The following LCP1 variants were observed in gnomAD, a reference collection of about 807,000 sequenced individuals.
LCP1 encodes the protein plastin-2.
In LCP1, 23 loss-of-function variants were observed where a neutral mutation model predicts 72.0. The observed-to-expected ratio is 0.32, with a 90% CI of 0.23 to 0.45. The LOEUF (loss-of-function observed/expected upper bound fraction) is 0.45, where lower values mean the gene tolerates loss of function less well. Ranked by LOEUF, LCP1 falls within the 20% of genes least tolerant of loss-of-function variation. The probability of loss-of-function intolerance (pLI) is 1.00; values close to 1 mark genes in which losing one functional copy is unlikely to be tolerated. For synonymous variants in LCP1, 245 were observed against 275.4 expected (o/e 0.89, Z 1.09); for missense variants, 571 against 748.3 (o/e 0.76, Z 2.76).
Position 46,148,746 on chromosome 13 carries a change from A to G in LCP1, c.883-299T>C, listed in dbSNP as rs965914034. ...TAGGGGAGAAAAACAACTTATTTAC[A>G]TGAATTAAATTGTATACAGGAAAAT... On this transcript the variant is annotated intron_variant, in intron 8 of 15. Coordinates refer to ENST00000323076, the MANE Select transcript of LCP1 (RefSeq NM_002298.5). 5 of 770,346 alleles carry G rather than the reference A, an allele frequency of 6.5e-6. No individual in the cohort carries two copies. The African/African-American group carries it at 7.4e-5, about 11-fold the overall frequency. The allele number at this position is 770,346 out of a possible 1,614,324, so 47.7% of individuals were successfully genotyped here. A position where few individuals can be genotyped will look rare whatever the true frequency, so the allele number is the denominator to read the frequency against.
intron 1 of LCP1, among the ~76,000 whole-genome samples, chr13:46,175,579 G>A (rs1053956877): frequency 6.6e-6 from 1 of 152,134 alleles, no homozygotes; most frequent in Non-Finnish European, 1.5e-5. Context: ...GGTGGGTACG[G>A]AGGGAGGAGA....
chr13:46,129,735 C>T (rs1449620981), intron 15 of LCP1, among the ~76,000 whole-genome samples: 1 of 152,002 alleles, frequency 6.6e-6, no homozygotes, highest in Non-Finnish European at 1.5e-5. Flanking sequence ...ATCTTCTAGA[C>T]CTGTGGTATG....
intron 1 of LCP1, among the ~76,000 whole-genome samples, chr13:46,177,551 A>G (rs1210794797): frequency 1.3e-5 from 2 of 152,010 alleles, no homozygotes; most frequent in Non-Finnish European, 2.9e-5. Context: ...GAGGCAGGAG[A>G]ATCGCTTGAA....
intron 4 of LCP1, among the ~76,000 whole-genome samples, chr13:46,157,661 G>A (rs1009659670): frequency 6.6e-6 from 1 of 151,234 alleles, no homozygotes; most frequent in Admixed American, 6.6e-5. Context: ...CCCAGCAAAG[G>A]TTCTGAAAAT....
rs543665164 is a variant in LCP1 at position 46,162,713 on chromosome 13, A to G, written c.-24-3027T>C. Among the ~76,000 whole-genome samples, 878 of 151,412 alleles carry G rather than the reference A, an allele frequency of 5.8e-3. 4 individuals are homozygous for G. The highest frequency in any genetic ancestry group is 0.02 in the African/African-American group (838 of 41,238). On this transcript the variant is annotated intron_variant, in intron 1 of 15. Transcript: ENST00000323076. The stretch of plus-strand genomic sequence containing the variant: ...AGTGCCGAGATTGCAGCCTCTGCCC[A>G]GCCGCCACCCCTTCCGGGAAGTGAG...
chr13:46,127,664 A>G lies in LCP1; in HGVS notation c.1811T>C (p.Leu604Pro), dbSNP rs1407431594. 6.2e-7 allele frequency: 1 copy of G among 1,614,206 alleles called. No individual in the cohort carries two copies. The highest frequency in any genetic ancestry group is 1.7e-5 in the Admixed American group (1 of 60,010). The stretch of plus-strand genomic sequence containing the variant: ...GACCATTTTGGGGTTCACTTCAACC[A>G]GGTCTTCTGGCAGGGCATACACTCT... ...GARVYALPEDLVEVNPKMVMT... is the reference protein window; with the variant it reads ...GARVYALPEDPVEVNPKMVMT... The change falls in exon 16 of 16, where the codon CTG becomes CCG. Residue 604 changes from leucine (L) to proline (P), a missense_variant. Leu to Pro is a moderately conservative substitution (Grantham distance 98). Coordinates refer to ENST00000323076, the MANE Select transcript of LCP1 (RefSeq NM_002298.5).
At chr13:46,181,322 G>A (rs2045954414) in intron 1 of LCP1, among the ~76,000 whole-genome samples, 1 of 152,094 alleles carries the variant, frequency 6.6e-6, no homozygotes, top group African/African-American at 2.4e-5. Context: ...GTCTATGTTT[G>A]GGCAGTTTCT....
At chr13:46,176,854 T>A (rs1461369800) in intron 1 of LCP1, among the ~76,000 whole-genome samples, 1 of 151,364 alleles carries the variant, frequency 6.6e-6, no homozygotes, top group Non-Finnish European at 1.5e-5. Context: ...TGTGTGTGTG[T>A]TTCCGTGTAT....
At chr13:46,162,437 T>C (rs936379142) in intron 1 of LCP1, among the ~76,000 whole-genome samples, 5 of 151,960 alleles carry the variant, frequency 3.3e-5, no homozygotes, top group Non-Finnish European at 2.9e-5. Flanking sequence ...GTGCCTGCGA[T>C]TGCAGGCGCG....
At chr13:46,157,142 A>G (rs2045807723) in intron 4 of LCP1, among the ~76,000 whole-genome samples, 2 of 151,670 alleles carry the variant, frequency 1.3e-5, no homozygotes, top group South Asian at 4.1e-4. Context: ...CTGTTCCTAT[A>G]TATACGCATA....
At chr13:46,162,009 T>G (rs1485288517) in intron 1 of LCP1, among the ~76,000 whole-genome samples, 1 of 152,196 alleles carries the variant, frequency 6.6e-6, no homozygotes, top group African/African-American at 2.4e-5. Context: ...ACAATGTCCT[T>G]CAATATAGGC....
chr13:46,139,093 A>G (rs896906694), intron 13 of LCP1, among the ~76,000 whole-genome samples: 2 of 152,216 alleles, frequency 1.3e-5, no homozygotes, highest in South Asian at 4.1e-4. Flanking sequence ...TAAAAATTTA[A>G]AACTTGTGGA....
chr13:46,159,659 C>T lies in LCP1; in HGVS notation c.4G>A (p.Ala2Thr), dbSNP rs769259134. ...TCCTCATCGGACACTGATCCTCTGG[C>T]CATTTTTTATTGCTTTAGGTAACAG... is the stretch of plus-strand genomic sequence containing the variant. MARGSVSDEEMM... is the reference protein window; with the variant it reads MTRGSVSDEEMM... The change falls in exon 2 of 16, where the codon GCC becomes ACC. Residue 2 changes from alanine to threonine, a missense_variant. By Grantham distance (58) the Ala-to-Thr change is moderately conservative. Transcript: ENST00000323076. 4 of 1,613,778 alleles carry T rather than the reference C, an allele frequency of 2.5e-6. No individual in the cohort carries two copies. The South Asian group carries it at 3.3e-5, about 13-fold the overall frequency.
At chr13:46,175,307 A>T (rs1175166799) in intron 1 of LCP1, among the ~76,000 whole-genome samples, 1 of 152,134 alleles carries the variant, frequency 6.6e-6, no homozygotes, top group African/African-American at 2.4e-5. Context: ...GGGGAAAATA[A>T]CCCACATCAC....
intron 10 of LCP1, among the ~76,000 whole-genome samples, chr13:46,145,310 C>T (rs897186674): frequency 1.3e-5 from 2 of 152,008 alleles, no homozygotes; most frequent in African/African-American, 2.4e-5. Flanking sequence ...CACTGAAAGG[C>T]GATATGCATT....
intron 13 of LCP1, among the ~76,000 whole-genome samples, chr13:46,135,802 TG>T (rs1445685155): frequency 6.7e-6 from 1 of 149,912 alleles, no homozygotes; most frequent in Non-Finnish European, 1.5e-5. Context: ...TGGCCCAGGC[TG>T]GAGTGCAGTG....
chr13:46,151,170 T>C, intron 7 of LCP1, 92 bp from the exon 8 acceptor site: 1 of 1,302,556 alleles, frequency 7.7e-7, no homozygotes. Flanking sequence ...GCTAAAAAGC[T>C]AAAGATAACA....
chr13:46,155,726 T>C (rs1040526038), intron 5 of LCP1, among the ~76,000 whole-genome samples: 11 of 152,196 alleles, frequency 7.2e-5, no homozygotes, highest in African/African-American at 2.4e-4. Context: ...CCACGTTGCA[T>C]TGAGCAGCAC....
At chr13:46,154,461 C>T (rs372227562) in intron 6 of LCP1, among the ~76,000 whole-genome samples, 23 of 152,180 alleles carry the variant, frequency 1.5e-4, no homozygotes, top group African/African-American at 2.7e-4. Context: ...TTCACCCCCT[C>T]GCTTCTTAGA....
Sources: allele counts gnomAD v4.1 joint callset (sites outside exome capture counted in the v4.1 genomes callset), GRCh38; gene constraint gnomAD v4.1.1; transcripts MANE v1.5; gene names NCBI Gene and HGNC (gene_info 2026-07-23, HGNC 2026-07-21).